STRBP: variants seen among roughly 807,000 people sequenced by gnomAD.
STRBP encodes spermatid perinuclear RNA binding protein.
STRBP carries 13 observed loss-of-function variants against 80.1 expected under a neutral mutation model. The ratio of observed to expected loss-of-function variants is 0.16; its 90% CI spans 0.11 to 0.26. The LOEUF is 0.26. STRBP is among the 10% of genes least tolerant of loss of function. The pLI is 1.00. For synonymous variants in STRBP, 284 were observed against 291.2 expected, an observed-to-expected ratio of 0.98 and a Z score of 0.25; for missense variants, 485 against 815.2, an observed-to-expected ratio of 0.59 and a Z score of 4.93.
At chr9:123,228,453 G>A (rs898495461) in intron 2 of STRBP, among the ~76,000 whole-genome samples, 1 of 152,214 alleles carries the variant, frequency 6.6e-6, no homozygotes, top group Non-Finnish European at 1.5e-5. Flanking sequence ...CCAATAAAAT[G>A]TGTGTGTGGG....
At chr9:123,219,876 A>T (rs1380207680) in intron 2 of STRBP, among the ~76,000 whole-genome samples, 1 of 152,252 alleles carries the variant, frequency 6.6e-6, no homozygotes, top group Non-Finnish European at 1.5e-5. Flanking sequence ...AGCTCTCAAT[A>T]TTAACAATGG....
At chr9:123,241,194 AAC>A (rs1491127130) in intron 1 of STRBP, among the ~76,000 whole-genome samples, 4 of 151,778 alleles carry the variant, frequency 2.6e-5, no homozygotes, top group African/African-American at 4.8e-5. Context: ...AAAAAAAAAA[AAC>A]AAAGTGATTT....
intron 2 of STRBP, among the ~76,000 whole-genome samples, chr9:123,224,041 CAT>C (rs1427012436): frequency 6.6e-6 from 1 of 152,146 alleles, no homozygotes; most frequent in Non-Finnish European, 1.5e-5. Flanking sequence ...CACTTCACAA[CAT>C]GTTTCAAAAT....
At chr9:123,239,315 C>CA (rs1475513712) in intron 1 of STRBP, among the ~76,000 whole-genome samples, 1 of 152,124 alleles carries the variant, frequency 6.6e-6, no homozygotes, top group Non-Finnish European at 1.5e-5. Flanking sequence ...GCAGAGCTTG[C>CA]AGTGAGCCGA....
chr9:123,256,018 C>CTTTTTTTTTTTTT (rs11338372), intron 1 of STRBP, among the ~76,000 whole-genome samples: 8 of 71,490 alleles, frequency 1.1e-4, no homozygotes, highest in African/African-American at 3.8e-4. Context: ...TCCTTTCTTT[C>CTTTTTTTTTTTTT]TTTTTTTTTT....
At position 123,173,721 on chromosome 9, in the gene STRBP, T is replaced by G; in HGVS notation, c.346A>C (p.Thr116Pro). The G allele has an allele frequency of 6.2e-7, 1 of 1,613,830 alleles. No homozygotes were observed. Among genetic ancestry groups the G allele is most frequent in the Non-Finnish European group, 8.5e-7 (1 of 1,179,880 alleles). ...TTATCTTTGACTGTATTTAACAGGGTCTCTGTGGGTTTGTCTTTGCACATT... is the reference window on the plus strand; with the variant it reads ...TTATCTTTGACTGTATTTAACAGGGGCTCTGTGGGTTTGTCTTTGCACATT... Reference protein sequence around the residue: ...VLMCKDKPTETLLNTVKDNLP... With the variant: ...VLMCKDKPTEPLLNTVKDNLP... Residue 116 changes from threonine to proline, a missense_variant, in exon 5 of 19, where the codon ACC becomes CCC. This residue lies in a region of STRBP where 377 missense variants were observed against 616.1 expected (regional missense o/e 0.61). Coordinates refer to ENST00000348403, the MANE Select transcript of STRBP (RefSeq NM_018387.5).
At chr9:123,268,391 G>C (rs993305975) in intron 1 of STRBP, 45 bp downstream of exon 1, 9 of 150,428 alleles carry the variant, frequency 6.0e-5, no homozygotes, top group African/African-American at 2.2e-4. Context: ...CCGCCCGCCC[G>C]GGACGGCCCG....
downstream of STRBP, among the ~76,000 whole-genome samples, chr9:123,116,629 G>A (rs62578961): frequency 3.2e-4 from 48 of 152,106 alleles, no homozygotes; most frequent in African/African-American, 9.9e-4. Context: ...GTTTCAAGGC[G>A]CACAGGGGAT....
chr9:123,116,788 G>T (rs750735425), downstream of STRBP, among the ~76,000 whole-genome samples: 1 of 152,152 alleles, frequency 6.6e-6, no homozygotes, highest in African/African-American at 2.4e-5. Context: ...CGGGGTGAGC[G>T]CCGCCACTCA....
At chr9:123,129,151 G>A (rs974464384) in intron 17 of STRBP, among the ~76,000 whole-genome samples, 2 of 152,116 alleles carry the variant, frequency 1.3e-5, no homozygotes, top group Non-Finnish European at 2.9e-5. Flanking sequence ...GAACCCAGGA[G>A]TTAGAGACCA....
intron 11 of STRBP, among the ~76,000 whole-genome samples, chr9:123,155,409 C>A (rs1362808072): frequency 6.6e-6 from 1 of 151,898 alleles, no homozygotes; most frequent in Non-Finnish European, 1.5e-5. Flanking sequence ...GTTGAGCAAC[C>A]CAGTACAGAC....
At chr9:123,147,139 T>A in intron 12 of STRBP, 85 bp from the exon 13 acceptor site, 1 of 1,142,714 alleles carries the variant, frequency 8.8e-7, no homozygotes, top group South Asian at 1.6e-5. Context: ...GTAACTACTG[T>A]AAATTCACCA....
chr9:123,171,287 A>T (rs1196150220), intron 5 of STRBP, among the ~76,000 whole-genome samples: 1 of 152,194 alleles, frequency 6.6e-6, no homozygotes, highest in Admixed American at 6.5e-5. Context: ...TCCTTTGCTC[A>T]AAGAAGTTCT....
At chr9:123,236,319 TTATTTC>T (rs1310049314) in intron 2 of STRBP, among the ~76,000 whole-genome samples, 1 of 152,212 alleles carries the variant, frequency 6.6e-6, no homozygotes, top group African/African-American at 2.4e-5. Flanking sequence ...ATTTCCTATT[TTATTTC>T]TATTTCATTT....
chr9:123,169,873 C>CACAT, intron 6 of STRBP, 29 bp downstream of exon 6: 2 of 992,334 alleles, frequency 2.0e-6, no homozygotes, highest in South Asian at 3.6e-5. Context: ...CAAATATATA[C>CACAT]ATATATATAT....
downstream of STRBP, among the ~76,000 whole-genome samples, chr9:123,120,376 T>G (rs1039842056): frequency 6.6e-6 from 1 of 151,384 alleles, no homozygotes; most frequent in Non-Finnish European, 1.5e-5. Context: ...ATCAGATGAA[T>G]GGGAATTAGG....
At chr9:123,250,268 T>G (rs2416898) in intron 1 of STRBP, among the ~76,000 whole-genome samples, 1 of 152,238 alleles carries the variant, frequency 6.6e-6, no homozygotes, top group East Asian at 1.9e-4. Context: ...AGCAGCTATC[T>G]GAACCCAGCT....
At chr9:123,233,928 C>T (rs10985910) in intron 2 of STRBP, among the ~76,000 whole-genome samples, 45,707 of 151,932 alleles carry the variant, frequency 0.3, 9,698 homozygotes, top group East Asian at 0.68. Context: ...AGGCCGGGCG[C>T]GGTGGCTCAC....
chr9:123,162,469 T>C (rs2037563012), intron 6 of STRBP, among the ~76,000 whole-genome samples: 2 of 152,132 alleles, frequency 1.3e-5, no homozygotes. Context: ...GTGCCTGCCT[T>C]GGCCTCCCAA....
Sources: allele counts gnomAD v4.1 joint callset (sites outside exome capture counted in the v4.1 genomes callset), GRCh38; gene constraint gnomAD v4.1.1; regional missense constraint gnomAD v4.1.1; transcripts MANE v1.5; gene names NCBI Gene and HGNC (gene_info 2026-07-23, HGNC 2026-07-21).